Variants in TSHZ1 observed in about 807,000 individuals in gnomAD.
TSHZ1 encodes teashirt homolog 1.
Under a neutral mutation model 67.1 loss-of-function variants are expected in TSHZ1, and 12 were observed. That is an observed-to-expected ratio of 0.18 (90% CI 0.11 to 0.29). TSHZ1 has a LOEUF of 0.29. Ranked by LOEUF, TSHZ1 falls within the 10% of genes least tolerant of loss-of-function variation. TSHZ1 has a pLI of 1.00. For synonymous variants in TSHZ1, 632 were observed against 622.4 expected (o/e 1.02, Z -0.23); for missense variants, 1,305 against 1,413.9 (o/e 0.92, Z 1.23).
chr18:75,281,289 G>A lies in TSHZ1; in HGVS notation c.41-4159G>A, dbSNP rs2023681855. On this transcript the variant is annotated intron_variant, in intron 1 of 1. Coordinates refer to ENST00000580243, the MANE Select transcript of TSHZ1 (RefSeq NM_001308210.2). The surrounding 1 kb of genome is among the most constrained non-coding windows in gnomAD (Gnocchi z 5.3). ...GAGGATGGCGCTGCTTTTCTGCCTC[G>A]GATACTCTCGTTTGGGGTTATTCGG... is the stretch of plus-strand genomic sequence containing the variant. Among the ~76,000 whole-genome samples, 1 of 152,176 alleles carries A rather than the reference G, an allele frequency of 6.6e-6. No homozygotes were observed. Among genetic ancestry groups the A allele is most frequent in the Non-Finnish European group, 1.5e-5 (1 of 68,042 alleles).
intron 1 of TSHZ1, chr18:75,280,686 A>AAAACCCTT: frequency 7.4e-6 from 7 of 949,530 alleles, no homozygotes; most frequent in Non-Finnish European, 8.8e-6. Context: ...TGTTTCAGTG[A>AAAACCCTT]TAACTTAGCT....
At chr18:75,234,828 C>T (rs927376791) in intron 1 of TSHZ1, among the ~76,000 whole-genome samples, 2 of 152,146 alleles carry the variant, frequency 1.3e-5, no homozygotes, top group African/African-American at 4.8e-5. Flanking sequence ...TCATAAAACA[C>T]TCGAGGGAGG....
In TSHZ1 at chr18:75,268,545, G is replaced by A. The variant is rs1037127874; in HGVS notation, c.41-16903G>A. 3.5e-4 allele frequency among the ~76,000 whole-genome samples: 53 copies of A among 152,256 alleles called. 1 individual carries two copies. The highest frequency in any genetic ancestry group is 1.2e-3 in the African/African-American group (48 of 41,526). The stretch of plus-strand genomic sequence containing the variant: ...CCCATTAAACTGCCTGCTAAACAGC[G>A]CAGCTTCCCCGTGTCGGCTACAAAA... On this transcript the variant is annotated intron_variant, in intron 1 of 1. Transcript: ENST00000580243.
chr18:75,217,519 G>A (rs1311532242), intron 1 of TSHZ1, among the ~76,000 whole-genome samples: 2 of 152,156 alleles, frequency 1.3e-5, no homozygotes, highest in Non-Finnish European at 2.9e-5. Context: ...TACTTTGGAG[G>A]CATTAGAACA....
intron 1 of TSHZ1, among the ~76,000 whole-genome samples, chr18:75,259,658 A>G (rs1395571511): frequency 1.3e-5 from 2 of 152,190 alleles, no homozygotes; most frequent in East Asian, 1.9e-4. Context: ...GTCCTATTTT[A>G]TTATAATTGT....
At chr18:75,283,057 A>G (rs1568368573) in intron 1 of TSHZ1, 1 of 152,290 alleles carries the variant, frequency 6.6e-6, no homozygotes, top group African/African-American at 2.4e-5. Flanking sequence ...GCCGTTTCCT[A>G]TAGTCGATCC....
At chr18:75,255,657 A>C (rs1349162851) in intron 1 of TSHZ1, among the ~76,000 whole-genome samples, 1 of 152,240 alleles carries the variant, frequency 6.6e-6, no homozygotes, top group Non-Finnish European at 1.5e-5. Context: ...AACATAAATG[A>C]AAAAATTGAA....
At chr18:75,225,217 T>C (rs958310110) in intron 1 of TSHZ1, among the ~76,000 whole-genome samples, 1 of 152,204 alleles carries the variant, frequency 6.6e-6, no homozygotes, top group African/African-American at 2.4e-5. Context: ...CACAGGCCTC[T>C]AGGAAATGCT....
chr18:75,279,654 G>A (rs2023661281), intron 1 of TSHZ1, among the ~76,000 whole-genome samples: 1 of 152,238 alleles, frequency 6.6e-6, no homozygotes, highest in East Asian at 1.9e-4. Context: ...CTCTGGCAGT[G>A]CGGGGCAGGA....
At chr18:75,278,927 C>T (rs1029315658) in intron 1 of TSHZ1, among the ~76,000 whole-genome samples, 24 of 152,228 alleles carry the variant, frequency 1.6e-4, no homozygotes, top group African/African-American at 4.6e-4. Context: ...TTTCATGGGG[C>T]GCCCTCCTGC....
rs1359678073 is a variant in TSHZ1 at position 75,286,289 on chromosome 18, G to A, written c.882G>A (p.Leu294=). ...GGTCCAAGCCCAGGAAGCGCTCCCT[G>A]ATGGAGATGGAGGGGAAGGAGGATG... ...KRWSKPRKRS[L]MEMEGKEDAQ... Residue 294 remains leucine, a synonymous_variant, in exon 2 of 2, where the codon CTG becomes CTA. Coordinates refer to ENST00000580243, the MANE Select transcript of TSHZ1 (RefSeq NM_001308210.2). The surrounding 1 kb of genome is among the most constrained non-coding windows in gnomAD (Gnocchi z 5.1). The A allele has an allele frequency of 1.6e-5, 26 of 1,612,948 alleles. No homozygotes were observed. The highest frequency in any genetic ancestry group is 2.0e-5 in the Non-Finnish European group (24 of 1,179,120).
At chr18:75,234,585 G>A (rs2639967) in intron 1 of TSHZ1, among the ~76,000 whole-genome samples, 149,957 of 151,402 alleles carry the variant, frequency 0.99, 74,271 homozygotes, top group Middle Eastern at 1. Flanking sequence ...GTTATTTGAA[G>A]GGGTTTTTTT....
intron 1 of TSHZ1, among the ~76,000 whole-genome samples, chr18:75,262,511 T>C (rs1322151955): frequency 6.6e-6 from 1 of 152,218 alleles, no homozygotes; most frequent in Non-Finnish European, 1.5e-5. Flanking sequence ...ATGTAAATCG[T>C]CAATTGGCCT....
chr18:75,262,636 A>G (rs1209948535), intron 1 of TSHZ1, among the ~76,000 whole-genome samples: 1 of 152,210 alleles, frequency 6.6e-6, no homozygotes, highest in Non-Finnish European at 1.5e-5. Context: ...CTGTTATAAC[A>G]AAAGCAAATG....
rs571448585 is a variant in TSHZ1, at chr18:75,277,541, G to A, written c.41-7907G>A. On this transcript the variant is annotated intron_variant, in intron 1 of 1. Coordinates refer to ENST00000580243, the MANE Select transcript of TSHZ1 (RefSeq NM_001308210.2). Reference sequence around the variant, plus strand: ...GAGGTGGGAGATCAAGGCAGCAGCAGATCTGGGAGCTGGTGAGGAGGGCCT... The same window carrying A: ...GAGGTGGGAGATCAAGGCAGCAGCAAATCTGGGAGCTGGTGAGGAGGGCCT... Among the ~76,000 whole-genome samples, 11 of 152,246 alleles carry A rather than the reference G, an allele frequency of 7.2e-5. No individual in the cohort carries two copies. The East Asian group carries it at 2.1e-3, about 29-fold the overall frequency.
chr18:75,240,655 C>A (rs1375069434), intron 1 of TSHZ1, among the ~76,000 whole-genome samples: 1 of 152,128 alleles, frequency 6.6e-6, no homozygotes, highest in Non-Finnish European at 1.5e-5. Context: ...GTCAGCTGGT[C>A]CTCCTCCCCA....
At position 75,287,317 on chromosome 18, in the gene TSHZ1, C is replaced by G. The variant is rs368515677; in HGVS notation, c.1910C>G (p.Ser637Cys). 3.1e-6 allele frequency: 5 copies of G among 1,614,172 alleles called. No homozygotes were observed. Among genetic ancestry groups the G allele is most frequent in the Non-Finnish European group, 4.2e-6 (5 of 1,180,040 alleles). ...CCCCCACCGCACAAGAGCAACGTGTCTGCCATGGAGGAGCTGGTGGAGAAG... is the reference window on the plus strand; with the variant it reads ...CCCCCACCGCACAAGAGCAACGTGTGTGCCATGGAGGAGCTGGTGGAGAAG... ...LTPPPHKSNV[S>C]AMEELVEKVT... is the part of the protein sequence containing the mutation. The change falls in exon 2 of 2, where the codon TCT (serine) becomes TGT (cysteine). Residue 637 changes from serine (S) to cysteine (C), a missense_variant. This residue lies in a region of TSHZ1 where 909 missense variants were observed against 961.8 expected (regional missense o/e 0.95). Transcript: ENST00000580243. This position sits in a 1 kb window ranked among gnomAD's most constrained non-coding sequence, Gnocchi z 5.0.
At chr18:75,221,064 C>T (rs773296820) in intron 1 of TSHZ1, 4 of 152,124 alleles carry the variant, frequency 2.6e-5, no homozygotes, top group African/African-American at 4.8e-5. Context: ...GCAGAGCCCG[C>T]GTTAGCCATC....
rs2023823836 is a variant in TSHZ1, at chr18:75,288,849, C to G, written c.*208C>G. Reference sequence around the variant, plus strand: ...CTTTTTCCGTGAGTCAAAGTCTGACCTTTATTTTCAACATCTGTTCTTGGT... The same window carrying G: ...CTTTTTCCGTGAGTCAAAGTCTGACGTTTATTTTCAACATCTGTTCTTGGT... On this transcript the variant is annotated 3_prime_UTR_variant, in exon 2 of 2. Coordinates refer to ENST00000580243, the MANE Select transcript of TSHZ1 (RefSeq NM_001308210.2). The surrounding 1 kb of genome is among the most constrained non-coding windows in gnomAD (Gnocchi z 4.9). 1 of 747,880 alleles carries G rather than the reference C, an allele frequency of 1.3e-6. No homozygotes were observed. The highest frequency in any genetic ancestry group is 1.9e-6 in the Non-Finnish European group (1 of 515,880). 46.3% of individuals were successfully genotyped at this position (747,880 alleles called of 1,614,324 possible).
Sources: allele counts gnomAD v4.1 joint callset (sites outside exome capture counted in the v4.1 genomes callset), GRCh38; gene constraint gnomAD v4.1.1; regional missense constraint gnomAD v4.1.1; non-coding constraint Gnocchi (gnomAD v3.1); transcripts MANE v1.5; gene names NCBI Gene and HGNC (gene_info 2026-07-23, HGNC 2026-07-21).